Variants in SETBP1 observed in about 807,000 individuals in gnomAD.
SETBP1 encodes SET-binding protein.
Under a neutral mutation model 101.0 loss-of-function variants are expected in SETBP1, and 9 were observed. That is an observed-to-expected ratio of 0.09 (90% confidence interval 0.05 to 0.16). The LOEUF (loss-of-function observed/expected upper bound fraction) is 0.16, where lower values mean the gene tolerates loss of function less well. SETBP1 is among the 10% of genes least tolerant of loss of function. The pLI, the probability that SETBP1 is intolerant of heterozygous loss-of-function variation, is 1.00. For synonymous variants in SETBP1, 818 were observed against 788.5 expected (o/e 1.04, Z -0.63); for missense variants, 1,858 against 2,033.8 (o/e 0.91, Z 1.66).
At chr18:44,706,402 G>A (rs1010456353) in intron 2 of SETBP1, among the ~76,000 whole-genome samples, 8 of 151,424 alleles carry the variant, frequency 5.3e-5, no homozygotes, top group Admixed American at 1.3e-4. Context: ...CCTGCCCAAC[G>A]TAGCAAAACC....
Position 44,701,495 on chromosome 18 carries a change from T to C in SETBP1, c.149T>C (p.Val50Ala). Reference protein sequence around the residue: ...STPGPGKGIPVGGERMEPEEE... With the variant: ...STPGPGKGIPAGGERMEPEEE... The stretch of plus-strand genomic sequence containing the variant: ...CCAGGACCTGGGAAGGGGATCCCGG[T>C]GGGCGGAGAGCGCATGGAGCCAGAG... Residue 50 changes from valine (V) to alanine (A), a missense_variant, in exon 2 of 6, where the codon GTG (valine) becomes GCG (alanine). By Grantham distance (64) the Val-to-Ala change is moderately conservative (BLOSUM62 0). This residue lies in a region of SETBP1 where 97 missense variants were observed against 101.2 expected (regional missense o/e 0.96). Coordinates refer to ENST00000649279, the MANE Select transcript of SETBP1 (RefSeq NM_015559.3). The C allele has an allele frequency of 6.2e-7, 1 of 1,613,774 alleles. No individual in the cohort carries two copies. The highest frequency in any genetic ancestry group is 8.5e-7 in the Non-Finnish European group (1 of 1,179,808).
intron 2 of SETBP1, among the ~76,000 whole-genome samples, chr18:44,704,295 G>A (rs1174642077): frequency 6.6e-6 from 1 of 152,134 alleles, no homozygotes; most frequent in Non-Finnish European, 1.5e-5. Context: ...TGGACTTTAT[G>A]GGAAAGAAAT....
chr18:44,933,945 T>C (rs1599342519), intron 3 of SETBP1, among the ~76,000 whole-genome samples: 2 of 152,230 alleles, frequency 1.3e-5, no homozygotes, highest in South Asian at 4.1e-4. Flanking sequence ...ACCCACTGTC[T>C]GACAAGCCCC....
chr18:44,848,126 G>T lies in SETBP1; in HGVS notation c.487-21104G>T, dbSNP rs895025906. Among the ~76,000 whole-genome samples, 3 of 151,890 alleles carry T rather than the reference G, an allele frequency of 2.0e-5. No homozygotes were observed. In the East Asian group the frequency reaches 5.8e-4, roughly 29 times the overall value. ...GTGTAACCTATGTAAATCACCAGGT[G>T]ATTCTATAGTGCAAGTAACTAGGAT... On this transcript the variant is annotated intron_variant, in intron 2 of 5. Coordinates refer to ENST00000649279, the MANE Select transcript of SETBP1 (RefSeq NM_015559.3).
chr18:44,812,769 G>A (rs968345591), intron 2 of SETBP1, among the ~76,000 whole-genome samples: 7 of 152,174 alleles, frequency 4.6e-5, no homozygotes, highest in Admixed American at 3.3e-4. Flanking sequence ...CAATATGTAA[G>A]CTGGAAAAGG....
At chr18:45,037,718 C>T (rs1167186789) in intron 4 of SETBP1, among the ~76,000 whole-genome samples, 1 of 152,108 alleles carries the variant, frequency 6.6e-6, no homozygotes, top group Non-Finnish European at 1.5e-5. Flanking sequence ...CTCCTGACTC[C>T]TCAGGCTTTT....
At chr18:44,874,799 A>G (rs1350396926) in intron 3 of SETBP1, among the ~76,000 whole-genome samples, 2 of 152,206 alleles carry the variant, frequency 1.3e-5, no homozygotes, top group Admixed American at 1.3e-4. Context: ...CTGCAGAACA[A>G]TCCTGGGTTC....
intron 2 of SETBP1, among the ~76,000 whole-genome samples, chr18:44,838,260 T>C (rs2072538073): frequency 6.6e-6 from 1 of 152,238 alleles, no homozygotes; most frequent in African/African-American, 2.4e-5. Flanking sequence ...AGGAGTCTCT[T>C]ACTGCTTATC....
chr18:44,919,652 C>T (rs771137296), intron 3 of SETBP1, among the ~76,000 whole-genome samples: 4 of 151,638 alleles, frequency 2.6e-5, no homozygotes, highest in Non-Finnish European at 5.9e-5. Flanking sequence ...CCGGCTAGAT[C>T]CCCCCGTCTT....
intron 2 of SETBP1, among the ~76,000 whole-genome samples, chr18:44,725,948 G>C (rs9948198): frequency 0.014 from 2,195 of 152,236 alleles, 66 homozygotes; most frequent in African/African-American, 0.049. Context: ...GGCCAGGGGT[G>C]GGGAGGGAGG....
chr18:45,029,994 C>A (rs1217609028), intron 4 of SETBP1, among the ~76,000 whole-genome samples: 1 of 147,434 alleles, frequency 6.8e-6, no homozygotes, highest in Non-Finnish European at 1.5e-5. Context: ...TAATTGAATA[C>A]CCTTTATTTC....
At chr18:44,706,038 A>C (rs895573098) in intron 2 of SETBP1, among the ~76,000 whole-genome samples, 1 of 152,180 alleles carries the variant, frequency 6.6e-6, no homozygotes, top group Non-Finnish European at 1.5e-5. Flanking sequence ...ATGAGGTGTG[A>C]AAGCAGCATT....
At chr18:44,699,243 C>G (rs551115593) in intron 1 of SETBP1, among the ~76,000 whole-genome samples, 1 of 152,256 alleles carries the variant, frequency 6.6e-6, no homozygotes, top group African/African-American at 2.4e-5. Flanking sequence ...AGACTGTGAA[C>G]ATTACTGCCA....
rs77518617 is a variant in SETBP1, at chr18:45,038,613, G to C, written c.4129G>C (p.Val1377Leu). 0.013 allele frequency: 20,693 copies of C among 1,614,182 alleles called. 162 individuals are homozygous for C. The highest frequency in any genetic ancestry group is 0.016 in the Non-Finnish European group (18,432 of 1,180,026). ...CAGTGTTACAATTCCACCAGCCCCAGTGTTATCTCTCCTTGCTGCATCTGC... is the reference window on the plus strand; with the variant it reads ...CAGTGTTACAATTCCACCAGCCCCACTGTTATCTCTCCTTGCTGCATCTGC... The part of the protein sequence containing the change: ...VDSVTIPPAP[V>L]LSLLAASAAT... Residue 1377 changes from valine (V) to leucine (L), a missense_variant, in exon 5 of 6, where the codon GTG (valine) becomes CTG (leucine). Val to Leu is a conservative substitution (Grantham distance 32). Around this residue, in one of 12 missense-constraint regions of SETBP1, gnomAD observed 417 missense variants for 389.1 expected, o/e 1.07. Transcript: ENST00000649279.
At chr18:44,980,641 G>C (rs980273064) in intron 4 of SETBP1, among the ~76,000 whole-genome samples, 6 of 152,158 alleles carry the variant, frequency 3.9e-5, no homozygotes, top group Admixed American at 1.3e-4. Flanking sequence ...GCCTTGAAAG[G>C]CTTTTTCCTT....
Position 44,788,804 on chromosome 18 carries a change from T to A in SETBP1, c.487-80426T>A, listed in dbSNP as rs183166509. 5.8e-3 allele frequency among the ~76,000 whole-genome samples: 824 copies of A among 142,952 alleles called. 9 individuals are homozygous for A. Among genetic ancestry groups the A allele is most frequent in the African/African-American group, 0.02 (779 of 38,258 alleles). 93.8% of individuals were successfully genotyped at this position (142,952 alleles called of 152,430 possible). A position where few individuals can be genotyped will look rare whatever the true frequency, so the allele number is the denominator to read the frequency against. ...TTTCCTTTTTAATTTTTTTTTTTTT[T>A]TTTTTTTTTTGGAGACAGGATCTCA... On this transcript the variant is annotated intron_variant, in intron 2 of 5. Coordinates refer to ENST00000649279, the MANE Select transcript of SETBP1 (RefSeq NM_015559.3).
intron 4 of SETBP1, among the ~76,000 whole-genome samples, chr18:45,015,071 G>C (rs1016203265): frequency 1.3e-5 from 2 of 152,172 alleles, no homozygotes; most frequent in African/African-American, 4.8e-5. Context: ...GGCTTGGGGA[G>C]GATGTTCTTG....
At chr18:44,816,617 C>T (rs1175665113) in intron 2 of SETBP1, among the ~76,000 whole-genome samples, 1 of 152,124 alleles carries the variant, frequency 6.6e-6, no homozygotes, top group Non-Finnish European at 1.5e-5. Flanking sequence ...AAAGAAGGGG[C>T]GTAGCCTTTC....
intron 2 of SETBP1, among the ~76,000 whole-genome samples, chr18:44,770,771 A>G (rs2070855100): frequency 6.6e-6 from 1 of 152,016 alleles, no homozygotes; most frequent in Non-Finnish European, 1.5e-5. Flanking sequence ...ATTATGCACT[A>G]GAATGTAGAG....
Sources: allele counts gnomAD v4.1 joint callset (sites outside exome capture counted in the v4.1 genomes callset), GRCh38; gene constraint gnomAD v4.1.1; regional missense constraint gnomAD v4.1.1; transcripts MANE v1.5; gene names NCBI Gene and HGNC (gene_info 2026-07-23, HGNC 2026-07-21).